Variants in STAB2 observed in about 807,000 individuals in gnomAD.
STAB2 encodes the protein stabilin-2.
Under a neutral mutation model 338.1 loss-of-function variants are expected in STAB2, and 288 were observed. The observed-to-expected ratio is 0.85, with a 90% CI of 0.77 to 0.94. The LOEUF is 0.94. STAB2 is among the 40% of genes least tolerant of loss of function. The pLI is 0.00. For synonymous variants in STAB2, 1,202 were observed against 1,193.3 expected (o/e 1.01, Z -0.15); for missense variants, 3,141 against 3,210.1 (o/e 0.98, Z 0.52).
chr12:103,690,831 T>C (rs1266522375), intron 30 of STAB2, among the ~76,000 whole-genome samples: 1 of 152,226 alleles, frequency 6.6e-6, no homozygotes, highest in East Asian at 1.9e-4. Flanking sequence ...GATGTGCAAT[T>C]CCACAACTTT....
intron 44 of STAB2, among the ~76,000 whole-genome samples, chr12:103,724,540 A>G (rs1197791163): frequency 6.6e-6 from 1 of 152,176 alleles, no homozygotes; most frequent in African/African-American, 2.4e-5. Flanking sequence ...CCCATCTTCC[A>G]CAACTTATAA....
chr12:103,608,297 C>G (rs765162397), intron 3 of STAB2, among the ~76,000 whole-genome samples: 106 of 152,244 alleles, frequency 7.0e-4, no homozygotes, highest in Non-Finnish European at 1.4e-3. Flanking sequence ...TGCCTCCAAG[C>G]CTAGCTAATT....
At chr12:103,706,714 A>G (rs1053831974) in intron 37 of STAB2, 78 bp from the exon 38 acceptor site, 1 of 1,573,876 alleles carries the variant, frequency 6.4e-7, no homozygotes, top group African/African-American at 1.3e-5. Context: ...GAAGTCACCC[A>G]CAGCAGGATT....
intron 18 of STAB2, among the ~76,000 whole-genome samples, chr12:103,663,332 A>G (rs1399677125): frequency 6.6e-6 from 1 of 152,210 alleles, no homozygotes; most frequent in Non-Finnish European, 1.5e-5. Flanking sequence ...TCTGAAATCA[A>G]GATAGCAGAG....
chr12:103,728,209 T>C (rs1270812770), intron 47 of STAB2, among the ~76,000 whole-genome samples: 1 of 152,198 alleles, frequency 6.6e-6, no homozygotes, highest in East Asian at 1.9e-4. Flanking sequence ...TGGAGTGCAG[T>C]GCCATGATCT....
intron 25 of STAB2, among the ~76,000 whole-genome samples, chr12:103,680,325 A>G (rs974124220): frequency 7.2e-5 from 11 of 152,230 alleles, no homozygotes; most frequent in African/African-American, 2.7e-4. Flanking sequence ...AGAAGAAAAA[A>G]AAACTGGTTT....
At chr12:103,745,138 C>G (rs1882919039) in intron 56 of STAB2, 35 bp from the exon 57 acceptor site, 1 of 1,580,528 alleles carries the variant, frequency 6.3e-7, no homozygotes, top group Admixed American at 1.7e-5. Flanking sequence ...GGGTCTCAAC[C>G]CCTGATGACT....
Position 103,712,496 on chromosome 12 carries a change from T to C in STAB2, c.4411+53T>C, listed in dbSNP as rs544333042. 5 of 1,399,236 alleles carry C rather than the reference T, an allele frequency of 3.6e-6. No individual in the cohort carries two copies. The African/African-American group carries it at 4.2e-5, about 12-fold the overall frequency. 86.7% of individuals were successfully genotyped at this position (1,399,236 alleles called of 1,614,324 possible). A position where few individuals can be genotyped will look rare whatever the true frequency, so the allele number is the denominator to read the frequency against. ...GGGCTGGCAAGGCTTGCACAGGCTA[T>C]TGAGAGGTTCTTGTTCCTGCAGTCT... On this transcript the variant is annotated intron_variant, in intron 41 of 68. Coordinates refer to ENST00000388887, the MANE Select transcript of STAB2 (RefSeq NM_017564.10).
chr12:103,725,822 AT>A (rs908775678), intron 45 of STAB2, among the ~76,000 whole-genome samples: 3 of 152,142 alleles, frequency 2.0e-5, no homozygotes, highest in Non-Finnish European at 2.9e-5. Flanking sequence ...CCTATAACTG[AT>A]TTTTTTTAAA....
intron 50 of STAB2, among the ~76,000 whole-genome samples, chr12:103,732,326 A>G (rs1357366638): frequency 6.6e-6 from 1 of 151,692 alleles, no homozygotes; most frequent in Non-Finnish European, 1.5e-5. Context: ...AAAAAGACAT[A>G]TCTTACTGAC....
chr12:103,683,075 A>G (rs1314779879), intron 25 of STAB2, 130 bp from the exon 26 acceptor site: 6 of 638,498 alleles, frequency 9.4e-6, no homozygotes, highest in African/African-American at 3.7e-5. Context: ...AGCAAAAGGC[A>G]TTAACACTGT....
intron 28 of STAB2, among the ~76,000 whole-genome samples, chr12:103,688,483 T>C (rs1448797702): frequency 1.3e-5 from 2 of 152,208 alleles, no homozygotes; most frequent in African/African-American, 4.8e-5. Context: ...GGGGGCTTCA[T>C]TCATCACAGG....
intron 28 of STAB2, 151 bp from the exon 29 acceptor site, chr12:103,689,695 C>A: frequency 1.1e-6 from 1 of 885,536 alleles, no homozygotes; most frequent in Non-Finnish European, 1.7e-6. Context: ...GAAAATGAGG[C>A]AACAGCCAGT....
At chr12:103,651,859 G>A (rs149306184) in intron 11 of STAB2, among the ~76,000 whole-genome samples, 169 of 152,298 alleles carry the variant, frequency 1.1e-3, no homozygotes, top group African/African-American at 3.5e-3. Flanking sequence ...CCAGTAAGTT[G>A]CCGGCTCTCT....
chr12:103,655,891 C>T (rs1215024855), intron 15 of STAB2, among the ~76,000 whole-genome samples: 1 of 152,184 alleles, frequency 6.6e-6, no homozygotes, highest in Non-Finnish European at 1.5e-5. Context: ...TAATATTTCT[C>T]ACTAGTAAAA....
chr12:103,721,630 T>G (rs1457973197), intron 44 of STAB2, among the ~76,000 whole-genome samples: 1 of 152,198 alleles, frequency 6.6e-6, no homozygotes, highest in African/African-American at 2.4e-5. Flanking sequence ...TGTAAAAGAC[T>G]AATGATGCTG....
intron 56 of STAB2, among the ~76,000 whole-genome samples, chr12:103,743,168 G>A (rs1048215314): frequency 9.9e-5 from 15 of 151,816 alleles, no homozygotes; most frequent in Admixed American, 5.2e-4. Flanking sequence ...GATTACAGGC[G>A]CCCGCCACCA....
chr12:103,619,841 T>G (rs1957270864), intron 3 of STAB2, among the ~76,000 whole-genome samples: 1 of 145,776 alleles, frequency 6.9e-6, no homozygotes, highest in Non-Finnish European at 1.5e-5. Flanking sequence ...GGTCATGCCC[T>G]TTTACAATTC....
intron 3 of STAB2, among the ~76,000 whole-genome samples, chr12:103,606,706 C>T (rs982983172): frequency 6.6e-6 from 1 of 152,226 alleles, no homozygotes; most frequent in Non-Finnish European, 1.5e-5. Flanking sequence ...ATCTGCTGGC[C>T]AGGCATGGTG....
Sources: gnomAD v4.1 joint callset for allele counts (sites outside exome capture counted in the v4.1 genomes callset) on GRCh38, gnomAD v4.1.1 for gene constraint, MANE v1.5 for transcripts, NCBI Gene and HGNC (gene_info 2026-07-23, HGNC 2026-07-21) for gene names.